Variants in AGBL1 observed in about 807,000 individuals in gnomAD.
AGBL1 encodes the protein AGBL carboxypeptidase 1.
In AGBL1, 130 loss-of-function variants were observed where a neutral mutation model predicts 118.9. That is an observed-to-expected ratio of 1.09 (90% CI 0.95 to 1.26). The LOEUF is 1.26. Among genes scored for constraint, AGBL1 ranks in the 50% most tolerant of loss-of-function variants. AGBL1 has a pLI of 0.00. For missense variants in AGBL1, 1,584 were observed against 1,298.1 expected, an observed-to-expected ratio of 1.22 and a Z score of -3.38; for synonymous variants, 555 against 478.9, an observed-to-expected ratio of 1.16 and a Z score of -2.08.
chr15:86,274,053 C>A (rs1256503020), intron 15 of AGBL1, among the ~76,000 whole-genome samples: 1 of 152,004 alleles, frequency 6.6e-6, no homozygotes, highest in African/African-American at 2.4e-5. Context: ...TTAGTTTATA[C>A]ATTTAAAAAA....
intron 22 of AGBL1, among the ~76,000 whole-genome samples, chr15:86,734,204 A>G (rs1332576349): frequency 1.3e-5 from 2 of 152,194 alleles, no homozygotes; most frequent in African/African-American, 4.8e-5. Flanking sequence ...AAAGTTGTTC[A>G]AGGTCACATT....
chr15:86,880,836 C>G (rs754480272), intron 22 of AGBL1, among the ~76,000 whole-genome samples: 1 of 151,948 alleles, frequency 6.6e-6, no homozygotes, highest in South Asian at 2.1e-4. Flanking sequence ...AGATAAGAAC[C>G]CTTTACTCTT....
chr15:86,963,030 T>A (rs976442428), intron 23 of AGBL1, among the ~76,000 whole-genome samples: 9 of 152,114 alleles, frequency 5.9e-5, no homozygotes, highest in African/African-American at 1.9e-4. Context: ...CATTAACCAA[T>A]TGCAAAGCAT....
At chr15:86,470,372 G>A (rs181652681) in intron 18 of AGBL1, among the ~76,000 whole-genome samples, 2 of 152,226 alleles carry the variant, frequency 1.3e-5, no homozygotes, top group East Asian at 1.9e-4. Flanking sequence ...TTGATCAGTT[G>A]ATTGTAATTG....
intron 21 of AGBL1, among the ~76,000 whole-genome samples, chr15:86,626,366 A>G (rs377409050): frequency 2.0e-5 from 3 of 152,282 alleles, no homozygotes; most frequent in South Asian, 2.1e-4. Flanking sequence ...AGGAACATGG[A>G]TGGAGCTGGA....
intron 22 of AGBL1, among the ~76,000 whole-genome samples, chr15:86,760,103 C>A (rs1488098829): frequency 6.6e-6 from 1 of 152,082 alleles, no homozygotes; most frequent in East Asian, 1.9e-4. Flanking sequence ...TCAACTACCT[C>A]TTTAGTGGCC....
intron 5 of AGBL1, among the ~76,000 whole-genome samples, chr15:86,203,875 T>C (rs1166840694): frequency 6.6e-6 from 1 of 152,210 alleles, no homozygotes; most frequent in African/African-American, 2.4e-5. Flanking sequence ...TCATTCTTTA[T>C]TTATTTATGC....
chr15:87,031,093 A>G (rs1030311020), downstream of AGBL1, among the ~76,000 whole-genome samples: 1 of 152,104 alleles, frequency 6.6e-6, no homozygotes, highest in East Asian at 1.9e-4. Context: ...TTCCCACTAC[A>G]ATATCTTGGG....
intron 4 of AGBL1, among the ~76,000 whole-genome samples, chr15:86,155,568 T>C (rs1178308225): frequency 6.6e-6 from 1 of 152,256 alleles, no homozygotes; most frequent in African/African-American, 2.4e-5. Flanking sequence ...TTTTTATTAA[T>C]ACGTTAGATC....
At chr15:86,379,508 TTAA>T (rs765689611) in intron 17 of AGBL1, among the ~76,000 whole-genome samples, 16 of 152,324 alleles carry the variant, frequency 1.1e-4, no homozygotes, top group Non-Finnish European at 2.4e-4. Flanking sequence ...ATAATTTTCC[TTAA>T]TAATAATGCC....
At chr15:86,964,228 G>A (rs1596681963) in intron 23 of AGBL1, among the ~76,000 whole-genome samples, 1 of 151,878 alleles carries the variant, frequency 6.6e-6, no homozygotes, top group Admixed American at 6.6e-5. Context: ...CTTTTGCAGG[G>A]TTTCTTAACC....
chr15:86,182,667 TTTC>T (rs1267366941), intron 5 of AGBL1, among the ~76,000 whole-genome samples: 2 of 152,180 alleles, frequency 1.3e-5, no homozygotes, highest in Admixed American at 1.3e-4. Flanking sequence ...AAAGAATAGT[TTTC>T]TTTGCTATTT....
intron 22 of AGBL1, among the ~76,000 whole-genome samples, chr15:86,787,996 C>T (rs1051770848): frequency 6.6e-6 from 1 of 152,058 alleles, no homozygotes; most frequent in Non-Finnish European, 1.5e-5. Flanking sequence ...TTGAAGGCCA[C>T]CTTCTTGAAC....
chr15:86,376,297 T>C (rs1339984336), intron 17 of AGBL1, among the ~76,000 whole-genome samples: 1 of 152,208 alleles, frequency 6.6e-6, no homozygotes, highest in African/African-American at 2.4e-5. Flanking sequence ...CTGCCCTCAC[T>C]CTGTACTAAC....
chr15:86,291,312 T>C (rs1567181046), intron 16 of AGBL1, among the ~76,000 whole-genome samples: 5 of 152,260 alleles, frequency 3.3e-5, no homozygotes. Context: ...AGAAGAAATA[T>C]GAGCCAAGAA....
chr15:86,082,236 T>A (rs905414294), intron 1 of AGBL1, among the ~76,000 whole-genome samples: 1 of 152,224 alleles, frequency 6.6e-6, no homozygotes, highest in Non-Finnish European at 1.5e-5. Context: ...CCTGTCCCCA[T>A]CCCTGCTCCC....
chr15:86,408,934 G>T (rs1352222087), intron 18 of AGBL1, among the ~76,000 whole-genome samples: 1 of 152,072 alleles, frequency 6.6e-6, no homozygotes, highest in Non-Finnish European at 1.5e-5. Flanking sequence ...TGAATGTGAA[G>T]ATATTCTCCT....
intron 23 of AGBL1, among the ~76,000 whole-genome samples, chr15:86,941,692 C>T (rs564358438): frequency 6.6e-6 from 1 of 152,302 alleles, no homozygotes; most frequent in South Asian, 2.1e-4. Context: ...CACCAGGAGG[C>T]ATCTTTCTTA....
chr15:86,169,771 G>T (rs1228270923), intron 5 of AGBL1, among the ~76,000 whole-genome samples: 1 of 152,198 alleles, frequency 6.6e-6, no homozygotes, highest in Non-Finnish European at 1.5e-5. Context: ...GAATCCATGT[G>T]TGTGGAACCC....
Sources: allele counts gnomAD v4.1 joint callset (sites outside exome capture counted in the v4.1 genomes callset), GRCh38; gene constraint gnomAD v4.1.1; transcripts MANE v1.5; gene names NCBI Gene and HGNC (gene_info 2026-07-23, HGNC 2026-07-21).